The following TRDN variants were observed in gnomAD, a reference collection of about 807,000 sequenced individuals.
TRDN encodes the protein triadin.
Under a neutral mutation model 149.7 loss-of-function variants are expected in TRDN, and 161 were observed. The ratio of observed to expected loss-of-function variants is 1.08; its 90% confidence interval spans 0.95 to 1.23. The LOEUF (loss-of-function observed/expected upper bound fraction) is 1.23, where lower values mean the gene tolerates loss of function less well. Ranked by LOEUF, TRDN falls within the 50% of genes most tolerant of loss-of-function variation. TRDN has a pLI of 0.00. For synonymous variants in TRDN, 294 were observed against 250.5 expected, an observed-to-expected ratio of 1.17 and a Z score of -1.64; for missense variants, 896 against 823.5, an observed-to-expected ratio of 1.09 and a Z score of -1.08.
chr6:123,403,741 C>A (rs974722129), intron 12 of TRDN, among the ~76,000 whole-genome samples: 2 of 151,518 alleles, frequency 1.3e-5, no homozygotes, highest in East Asian at 3.9e-4. Context: ...AGGAAGAGGT[C>A]CAAATTTAAA....
At chr6:123,284,753 C>A (rs904905029) in intron 24 of TRDN, among the ~76,000 whole-genome samples, 1 of 151,782 alleles carries the variant, frequency 6.6e-6, no homozygotes. Context: ...TATAATTATA[C>A]GCCCAGAAAA....
chr6:123,376,093 A>C (rs550655770), intron 18 of TRDN, among the ~76,000 whole-genome samples: 44 of 152,332 alleles, frequency 2.9e-4, no homozygotes, highest in African/African-American at 9.6e-4. Flanking sequence ...AAAATAGATA[A>C]TAATTTCAAG....
intron 10 of TRDN, among the ~76,000 whole-genome samples, chr6:123,454,325 C>T (rs143405060): frequency 4.5e-4 from 68 of 152,022 alleles, no homozygotes; most frequent in African/African-American, 1.4e-3. Context: ...TTTGAGCCTC[C>T]GAAAGGTGTG....
chr6:123,412,840 T>C (rs1347741549), intron 12 of TRDN, among the ~76,000 whole-genome samples: 1 of 152,124 alleles, frequency 6.6e-6, no homozygotes, highest in Non-Finnish European at 1.5e-5. Context: ...ATAATTCTCA[T>C]CATGTGATAA....
At chr6:123,234,616 A>G (rs1234390135) in intron 38 of TRDN, among the ~76,000 whole-genome samples, 2 of 152,156 alleles carry the variant, frequency 1.3e-5, no homozygotes, top group African/African-American at 2.4e-5. Flanking sequence ...ATCTTGGTTA[A>G]AATAAGACTT....
At chr6:123,618,961 A>G (rs1248029769) in intron 1 of TRDN, among the ~76,000 whole-genome samples, 1 of 152,188 alleles carries the variant, frequency 6.6e-6, no homozygotes, top group Non-Finnish European at 1.5e-5. Flanking sequence ...TACTAAAGGA[A>G]TAAATGTGTA....
intron 24 of TRDN, among the ~76,000 whole-genome samples, chr6:123,309,957 A>G (rs1265830172): frequency 6.6e-6 from 1 of 152,054 alleles, no homozygotes; most frequent in Admixed American, 6.6e-5. Context: ...AAATGTAAAG[A>G]TGCAATATTA....
chr6:123,286,397 A>G (rs1172952283), intron 24 of TRDN, among the ~76,000 whole-genome samples: 1 of 152,114 alleles, frequency 6.6e-6, no homozygotes, highest in Non-Finnish European at 1.5e-5. Context: ...GGAACTGGAG[A>G]CTATTATTCT....
intron 1 of TRDN, among the ~76,000 whole-genome samples, chr6:123,592,083 T>C (rs766021147): frequency 2.6e-5 from 4 of 152,180 alleles, no homozygotes; most frequent in Non-Finnish European, 5.9e-5. Flanking sequence ...GTCTTCAACA[T>C]TCTCATCCTG....
intron 9 of TRDN, among the ~76,000 whole-genome samples, chr6:123,496,791 T>A (rs557024148): frequency 6.6e-6 from 1 of 152,164 alleles, no homozygotes; most frequent in Non-Finnish European, 1.5e-5. Flanking sequence ...GTATAAATAT[T>A]TGAAATGTGA....
chr6:123,257,391 A>C lies in TRDN; in HGVS notation c.1871-1489T>G, dbSNP rs1043013882. On this transcript the variant is annotated intron_variant, in intron 35 of 40. Coordinates refer to ENST00000334268, the MANE Select transcript of TRDN (RefSeq NM_006073.4). ...ATTTTCCCAACACCATTTATTAAAT[A>C]GTGAATCCTCACTTTCCCCATTGCT... Among the ~76,000 whole-genome samples, 4 of 152,236 alleles carry C rather than the reference A, an allele frequency of 2.6e-5. No homozygotes were observed. The East Asian group carries it at 5.8e-4, about 22-fold the overall frequency.
At chr6:123,605,597 CAAA>C (rs35881822) in intron 1 of TRDN, among the ~76,000 whole-genome samples, 35,705 of 123,904 alleles carry the variant, frequency 0.29, 4,498 homozygotes, top group East Asian at 0.46. Flanking sequence ...ACCCTCTCTA[CAAA>C]AAAAAAAAAA....
chr6:123,239,840 T>G (rs1316384758), intron 38 of TRDN, among the ~76,000 whole-genome samples: 1 of 151,964 alleles, frequency 6.6e-6, no homozygotes, highest in African/African-American at 2.4e-5. Context: ...TTGATATTTA[T>G]AAAGGAAACA....
intron 24 of TRDN, among the ~76,000 whole-genome samples, chr6:123,297,861 A>C (rs1488521863): frequency 2.6e-5 from 4 of 152,008 alleles, no homozygotes; most frequent in African/African-American, 9.7e-5. Context: ...GGAAATTCAA[A>C]CTTAAATCCA....
chr6:123,333,010 G>T (rs1418211766), intron 22 of TRDN, among the ~76,000 whole-genome samples: 4 of 151,926 alleles, frequency 2.6e-5, no homozygotes, highest in Non-Finnish European at 5.9e-5. Context: ...TGCCCATGTT[G>T]CTATTTATGG....
chr6:123,288,607 G>A (rs1167658215), intron 24 of TRDN, among the ~76,000 whole-genome samples: 2 of 151,862 alleles, frequency 1.3e-5, no homozygotes, highest in Non-Finnish European at 2.9e-5. Flanking sequence ...ATATATGAAA[G>A]GCCAACAGAT....
At chr6:123,373,515 A>C (rs1781399545) in intron 19 of TRDN, among the ~76,000 whole-genome samples, 1 of 152,112 alleles carries the variant, frequency 6.6e-6, no homozygotes, top group Non-Finnish European at 1.5e-5. Flanking sequence ...AAGCTTGTCC[A>C]TGTCCTCCAG....
At chr6:123,458,698 A>G (rs1369735854) in intron 10 of TRDN, among the ~76,000 whole-genome samples, 3 of 152,148 alleles carry the variant, frequency 2.0e-5, no homozygotes, top group East Asian at 1.9e-4. Flanking sequence ...TGTGTTCTAC[A>G]TTTCCTTTCT....
intron 15 of TRDN, 55 bp from the exon 16 acceptor site, chr6:123,381,445 C>T: frequency 1.3e-6 from 2 of 1,484,828 alleles, no homozygotes; most frequent in South Asian, 1.2e-5. Flanking sequence ...ATAAAACGTA[C>T]TACCCTACAT....
Sources: allele counts gnomAD v4.1 joint callset (sites outside exome capture counted in the v4.1 genomes callset), GRCh38; gene constraint gnomAD v4.1.1; transcripts MANE v1.5; gene names NCBI Gene and HGNC (gene_info 2026-07-23, HGNC 2026-07-21).